Variants in SLC24A3 observed in about 807,000 individuals in gnomAD.
SLC24A3 encodes sodium/potassium/calcium exchanger 3.
A neutral mutation model predicts 75.8 loss-of-function variants in SLC24A3; 28 were observed. That is an observed-to-expected ratio of 0.37 (90% CI 0.27 to 0.51). SLC24A3 has a LOEUF of 0.51. SLC24A3 is among the 20% of genes least tolerant of loss of function. SLC24A3 has a pLI of 0.94. For missense variants in SLC24A3, 663 were observed against 847.8 expected (o/e 0.78, Z 2.71); for synonymous variants, 372 against 334.1 (o/e 1.11, Z -1.24).
At chr20:19,678,635 C>T (rs1330181624) in intron 9 of SLC24A3, among the ~76,000 whole-genome samples, 3 of 100,778 alleles carry the variant, frequency 3.0e-5, no homozygotes, top group African/African-American at 4.6e-5. Context: ...TGGCCCCGGG[C>T]GGGGGGCTGA....
intron 6 of SLC24A3, among the ~76,000 whole-genome samples, chr20:19,613,448 T>C (rs1468529926): frequency 6.6e-6 from 1 of 152,200 alleles, no homozygotes; most frequent in African/African-American, 2.4e-5. Context: ...TTTTAAAGAG[T>C]TCTTTTCTAA....
intron 2 of SLC24A3, among the ~76,000 whole-genome samples, chr20:19,306,887 C>T (rs1600421270): frequency 6.6e-6 from 1 of 152,058 alleles, no homozygotes; most frequent in African/African-American, 2.4e-5. Context: ...AACAAACAAA[C>T]AAACAAACAA....
chr20:19,517,202 G>A (rs2030011551), intron 3 of SLC24A3, among the ~76,000 whole-genome samples: 1 of 152,186 alleles, frequency 6.6e-6, no homozygotes. Context: ...GCAAGGCTGA[G>A]GAGCTCCAGG....
chr20:19,654,497 A>C lies in SLC24A3; in HGVS notation c.687+361A>C, dbSNP rs575690431. On this transcript the variant is annotated intron_variant, in intron 7 of 16. Coordinates refer to ENST00000328041, the MANE Select transcript of SLC24A3 (RefSeq NM_020689.4). ...CTCTGCCAGGACTCCCTGCCCTCCCACAGAGCCCATTACCGTGGCCACCTT... is the reference window on the plus strand; with the variant it reads ...CTCTGCCAGGACTCCCTGCCCTCCCCCAGAGCCCATTACCGTGGCCACCTT... Among the ~76,000 whole-genome samples the C allele has an allele frequency of 1.9e-3, 291 of 151,644 alleles. 1 individual carries two copies. The highest frequency in any genetic ancestry group is 6.9e-3 in the African/African-American group (284 of 41,318).
intron 7 of SLC24A3, among the ~76,000 whole-genome samples, chr20:19,661,551 G>A (rs1051494058): frequency 6.6e-5 from 10 of 152,140 alleles, no homozygotes; most frequent in South Asian, 2.1e-4. Flanking sequence ...TTTCTTTGCA[G>A]CAAGGAAGGA....
intron 2 of SLC24A3, among the ~76,000 whole-genome samples, chr20:19,325,795 TAG>T (rs745745496): frequency 8.4e-3 from 570 of 67,664 alleles, no homozygotes; most frequent in Middle Eastern, 0.017. Flanking sequence ...TATATATATA[TAG>T]AGAGAGAGAG....
chr20:19,361,375 A>G (rs1217274454), intron 2 of SLC24A3, among the ~76,000 whole-genome samples: 2 of 152,236 alleles, frequency 1.3e-5, no homozygotes, highest in African/African-American at 4.8e-5. Flanking sequence ...AGTTGCAGAT[A>G]AAATGAGGCT....
chr20:19,670,549 G>C (rs1356728196), intron 8 of SLC24A3, among the ~76,000 whole-genome samples: 2 of 152,174 alleles, frequency 1.3e-5, no homozygotes, highest in African/African-American at 4.8e-5. Context: ...TAAAGTGCTG[G>C]ACTTAATTCA....
intron 2 of SLC24A3, among the ~76,000 whole-genome samples, chr20:19,323,526 G>C (rs1259976159): frequency 6.6e-6 from 1 of 152,266 alleles, no homozygotes; most frequent in African/African-American, 2.4e-5. Context: ...ATAAGGCCTT[G>C]TGGAGCAAAC....
At chr20:19,343,092 GAA>G (rs1414520504) in intron 2 of SLC24A3, among the ~76,000 whole-genome samples, 8 of 125,466 alleles carry the variant, frequency 6.4e-5, no homozygotes, top group African/African-American at 2.3e-4. Flanking sequence ...AAAGAAAAAA[GAA>G]AAAGAAAAAG....
chr20:19,303,361 A>G lies in SLC24A3; in HGVS notation c.271+22274A>G, dbSNP rs557290897. ...GCTCTCGTTCTTTTCTTACGGCTGC[A>G]TGGTATTCCATAGTGTATATGTGCC... On this transcript the variant is annotated intron_variant, in intron 2 of 16. Transcript: ENST00000328041. Among the ~76,000 whole-genome samples the G allele has an allele frequency of 1.7e-4, 26 of 152,316 alleles. No homozygotes were observed. The East Asian group carries it at 2.1e-3, about 12-fold the overall frequency.
At chr20:19,573,585 C>G (rs2031086644) in intron 3 of SLC24A3, among the ~76,000 whole-genome samples, 1 of 152,170 alleles carries the variant, frequency 6.6e-6, no homozygotes, top group Admixed American at 6.5e-5. Flanking sequence ...ACAGAAGGAG[C>G]TGATTTCAGG....
At chr20:19,438,383 TCCTGGCCCATCA>T (rs1232982152) in intron 2 of SLC24A3, among the ~76,000 whole-genome samples, 1 of 152,206 alleles carries the variant, frequency 6.6e-6, no homozygotes, top group Non-Finnish European at 1.5e-5. Context: ...AATGTCCGGC[TCCTGGCCCATCA>T]CCTGCTTAGG....
At position 19,680,103 on chromosome 20, in the gene SLC24A3, A is replaced by C. The variant is rs902672772; in HGVS notation, c.768-1755A>C. Among the ~76,000 whole-genome samples the C allele has an allele frequency of 6.4e-5, 8 of 125,288 alleles. No individual in the cohort carries two copies. In the Admixed American group the frequency reaches 6.4e-4, roughly 10 times the overall value. 82.2% of individuals were successfully genotyped at this position (125,288 alleles called of 152,430 possible). A position where few individuals can be genotyped will look rare whatever the true frequency, so the allele number is the denominator to read the frequency against. ...GTGTCTGTATGTGTCTGTGTGTGCG[A>C]GTGTGTGTCTGTGTCTGTGTGTGTG... On this transcript the variant is annotated intron_variant, in intron 9 of 16. Transcript: ENST00000328041.
intron 2 of SLC24A3, among the ~76,000 whole-genome samples, chr20:19,441,911 T>A (rs1987305102): frequency 6.6e-6 from 1 of 152,236 alleles, no homozygotes; most frequent in Non-Finnish European, 1.5e-5. Flanking sequence ...TGATTTTTTT[T>A]ATGTGACATT....
At chr20:19,373,790 C>CCTGGAGTGGTGGAG in intron 2 of SLC24A3, among the ~76,000 whole-genome samples, 1 of 152,008 alleles carries the variant, frequency 6.6e-6, no homozygotes, top group Non-Finnish European at 1.5e-5. Context: ...GGGTGGGCTT[C>CCTGGAGTGGTGGAG]TGAATTTGGA....
chr20:19,287,143 T>G (rs1384795606), intron 2 of SLC24A3, among the ~76,000 whole-genome samples: 2 of 152,250 alleles, frequency 1.3e-5, no homozygotes, highest in Non-Finnish European at 2.9e-5. Flanking sequence ...GTTTATTTCT[T>G]TCTCATGGAA....
At chr20:19,484,806 TA>T (rs1988106088) in intron 2 of SLC24A3, among the ~76,000 whole-genome samples, 1 of 152,182 alleles carries the variant, frequency 6.6e-6, no homozygotes, top group African/African-American at 2.4e-5. Flanking sequence ...GCTGTTCATT[TA>T]AAAAGGGTTA....
chr20:19,372,864 A>C (rs1986015678), intron 2 of SLC24A3, among the ~76,000 whole-genome samples: 2 of 152,150 alleles, frequency 1.3e-5, no homozygotes, highest in Admixed American at 1.3e-4. Flanking sequence ...GGCGGCCAGA[A>C]TTACAGATTT....
Sources: gnomAD v4.1 joint callset for allele counts (sites outside exome capture counted in the v4.1 genomes callset) on GRCh38, gnomAD v4.1.1 for gene constraint, MANE v1.5 for transcripts, NCBI Gene and HGNC (gene_info 2026-07-23, HGNC 2026-07-21) for gene names.